Variants in CHSY3 observed in about 807,000 individuals in gnomAD.
CHSY3 encodes chondroitin sulfate synthase 3, also known as N-acetylgalactosaminyl-proteoglycan 3-beta-glucuronosyltransferase 3.
In CHSY3, 35 loss-of-function variants were observed where a neutral mutation model predicts 67.2. The ratio of observed to expected loss-of-function variants is 0.52; its 90% CI spans 0.40 to 0.69. The LOEUF (loss-of-function observed/expected upper bound fraction) is 0.69. CHSY3 is among the 30% of genes least tolerant of loss of function. CHSY3 has a pLI of 0.00. For synonymous variants in CHSY3, 474 were observed against 434.7 expected (o/e 1.09, Z -1.12); for missense variants, 1,069 against 1,138.5 (o/e 0.94, Z 0.88).
chr5:129,942,866 T>C (rs1761739466), intron 2 of CHSY3, among the ~76,000 whole-genome samples: 1 of 152,192 alleles, frequency 6.6e-6, no homozygotes, highest in Admixed American at 6.5e-5. Context: ...TTAATGGATA[T>C]ATATGAGAAT....
intron 2 of CHSY3, among the ~76,000 whole-genome samples, chr5:130,153,768 A>T (rs1358588092): frequency 6.6e-6 from 1 of 152,064 alleles, no homozygotes; most frequent in Non-Finnish European, 1.5e-5. Flanking sequence ...GTTCTTGGCA[A>T]GCTCTTAGTT....
In CHSY3 at chr5:129,904,688, C is replaced by A; in HGVS notation, c.-142C>A. The A allele has an allele frequency of 1.0e-5, 12 of 1,196,822 alleles. No homozygotes were observed. The highest frequency in any genetic ancestry group is 1.2e-5 in the Non-Finnish European group (12 of 961,170). The allele number at this position is 1,196,822 out of a possible 1,614,324, so 74.1% of individuals were successfully genotyped here. On this transcript the variant is annotated 5_prime_UTR_variant, in exon 1 of 3. Coordinates refer to ENST00000305031, the MANE Select transcript of CHSY3 (RefSeq NM_175856.5). ...AGTCGAGGCGTCCGCGGCGCTTCGA[C>A]CTCCAGCCGGTGTCGGCGCCTAGGC...
chr5:129,930,051 C>A (rs2149587987), intron 2 of CHSY3, among the ~76,000 whole-genome samples: 1 of 152,228 alleles, frequency 6.6e-6, no homozygotes, highest in East Asian at 1.9e-4. Flanking sequence ...TGCCTTCGGG[C>A]ATGGTGGCTT....
intron 2 of CHSY3, among the ~76,000 whole-genome samples, chr5:129,915,580 C>G (rs1405269443): frequency 6.6e-6 from 1 of 152,102 alleles, no homozygotes; most frequent in Non-Finnish European, 1.5e-5. Flanking sequence ...ATTTTGAAAG[C>G]TATGCTAATC....
At chr5:129,930,513 G>T (rs989862936) in intron 2 of CHSY3, among the ~76,000 whole-genome samples, 1 of 147,490 alleles carries the variant, frequency 6.8e-6, no homozygotes, top group Non-Finnish European at 1.5e-5. Flanking sequence ...ACTGGCGGGG[G>T]GGGGGTATGA....
At chr5:130,089,564 A>G (rs1360457067) in intron 2 of CHSY3, among the ~76,000 whole-genome samples, 1 of 152,092 alleles carries the variant, frequency 6.6e-6, no homozygotes, top group Non-Finnish European at 1.5e-5. Flanking sequence ...TTTCAGCATC[A>G]GATCTATTTG....
At chr5:129,910,889 T>G (rs1194677944) in intron 2 of CHSY3, among the ~76,000 whole-genome samples, 2 of 152,054 alleles carry the variant, frequency 1.3e-5, no homozygotes, top group African/African-American at 4.8e-5. Context: ...CATTACTTTT[T>G]TTCCCATAGT....
intron 2 of CHSY3, among the ~76,000 whole-genome samples, chr5:129,990,516 T>A (rs993788325): frequency 6.6e-6 from 1 of 152,156 alleles, no homozygotes; most frequent in African/African-American, 2.4e-5. Flanking sequence ...AAGCAATGTG[T>A]ATTTGTGAAG....
chr5:130,051,901 T>C (rs1165314388), intron 2 of CHSY3, among the ~76,000 whole-genome samples: 2 of 149,028 alleles, frequency 1.3e-5, no homozygotes, highest in East Asian at 2.0e-4. Context: ...AAATATTCAG[T>C]AGTAGAATTG....
chr5:129,979,162 T>A (rs1300352982), intron 2 of CHSY3, among the ~76,000 whole-genome samples: 1 of 121,230 alleles, frequency 8.2e-6, no homozygotes, highest in East Asian at 2.5e-4. Flanking sequence ...ATCGCGCCCC[T>A]GCACTCCAGC....
At chr5:130,129,944 A>C (rs1768426331) in intron 2 of CHSY3, among the ~76,000 whole-genome samples, 2 of 152,302 alleles carry the variant, frequency 1.3e-5, no homozygotes, top group South Asian at 4.1e-4. Flanking sequence ...TCTGAATCTT[A>C]AGTAAAATGA....
At chr5:130,059,203 G>A (rs1561517527) in intron 2 of CHSY3, among the ~76,000 whole-genome samples, 1 of 152,142 alleles carries the variant, frequency 6.6e-6, no homozygotes, top group Non-Finnish European at 1.5e-5. Context: ...TCTCAAGACT[G>A]TAACATAAAA....
At chr5:129,967,419 T>C (rs1762498601) in intron 2 of CHSY3, among the ~76,000 whole-genome samples, 1 of 151,922 alleles carries the variant, frequency 6.6e-6, no homozygotes, top group African/African-American at 2.4e-5. Flanking sequence ...TTTAAGAGAA[T>C]TAAACACACT....
At chr5:130,089,049 A>T (rs1042396371) in intron 2 of CHSY3, among the ~76,000 whole-genome samples, 2 of 152,242 alleles carry the variant, frequency 1.3e-5, no homozygotes, top group Admixed American at 1.3e-4. Context: ...GCCATAAAAA[A>T]TGATGAGCTC....
chr5:130,024,927 T>G (rs1318527573), intron 2 of CHSY3, among the ~76,000 whole-genome samples: 1 of 152,128 alleles, frequency 6.6e-6, no homozygotes, highest in Non-Finnish European at 1.5e-5. Context: ...GGATCAAAAG[T>G]GACAGTGGCT....
intron 2 of CHSY3, among the ~76,000 whole-genome samples, chr5:130,014,527 T>C (rs191756931): frequency 1.3e-3 from 191 of 152,168 alleles, no homozygotes; most frequent in African/African-American, 4.5e-3. Flanking sequence ...CTCATAACCA[T>C]CAGATCTTGT....
chr5:130,095,065 T>G (rs571019137), intron 2 of CHSY3, among the ~76,000 whole-genome samples: 2 of 152,160 alleles, frequency 1.3e-5, no homozygotes, highest in East Asian at 3.9e-4. Context: ...ACTAAAAAAT[T>G]GTATATACTA....
chr5:130,035,886 G>GTTTTTTTT lies in CHSY3; in HGVS notation c.1086+127545_1086+127552dup, dbSNP rs1180462327. 2.2e-3 allele frequency among the ~76,000 whole-genome samples: 141 copies of GTTTTTTTT among 65,550 alleles called. 10 individuals carry two copies. Among genetic ancestry groups the GTTTTTTTT allele is most frequent in the African/African-American group, 7.9e-3 (132 of 16,656 alleles). The allele number at this position is 65,550 out of a possible 152,430, so 43.0% of individuals were successfully genotyped here. A position where few individuals can be genotyped will look rare whatever the true frequency, so the allele number is the denominator to read the frequency against. On this transcript the variant is annotated intron_variant, in intron 2 of 2. Transcript: ENST00000305031. ...CCCAAGTCTGGTCATTCATTTGGTT[G>GTTTTTTTT]TTTTTTTTTTTTTTTTTTTTTTTTT...
intron 2 of CHSY3, among the ~76,000 whole-genome samples, chr5:130,014,674 C>T (rs1415264200): frequency 6.6e-6 from 1 of 152,050 alleles, no homozygotes; most frequent in Non-Finnish European, 1.5e-5. Flanking sequence ...TGGGGCAAAG[C>T]CAGACCATAT....
Sources: gnomAD v4.1 joint callset for allele counts (sites outside exome capture counted in the v4.1 genomes callset) on GRCh38, gnomAD v4.1.1 for gene constraint, MANE v1.5 for transcripts, NCBI Gene and HGNC (gene_info 2026-07-23, HGNC 2026-07-21) for gene names.